The following CCM2L variants were observed in gnomAD, a reference collection of about 807,000 sequenced individuals.
CCM2L encodes the protein CCM2 like scaffold protein.
Under a neutral mutation model 54.1 loss-of-function variants are expected in CCM2L, and 36 were observed. The observed-to-expected ratio is 0.67, with a 90% CI of 0.51 to 0.88. The LOEUF (loss-of-function observed/expected upper bound fraction) is 0.88, where lower values mean the gene tolerates loss of function less well. CCM2L is among the 40% of genes least tolerant of loss of function. The probability of loss-of-function intolerance (pLI) is 0.00; values close to 1 mark genes in which losing one functional copy is unlikely to be tolerated. For missense variants in CCM2L, 700 were observed against 812.1 expected, an observed-to-expected ratio of 0.86 and a Z score of 1.68; for synonymous variants, 351 against 359.3, an observed-to-expected ratio of 0.98 and a Z score of 0.26.
Position 32,031,608 on chromosome 20 carries a change from A to C in CCM2L, c.*294A>C, listed in dbSNP as rs2064930602. 1 of 236,732 alleles carries C rather than the reference A, an allele frequency of 4.2e-6. No individual in the cohort carries two copies. The highest frequency in any genetic ancestry group is 8.4e-6 in the Non-Finnish European group (1 of 118,464). 14.7% of individuals were successfully genotyped at this position (236,732 alleles called of 1,614,324 possible). On this transcript the variant is annotated 3_prime_UTR_variant, in exon 10 of 10. Transcript: ENST00000452892. ...TTTGTCCCAGAAGTCCAGAGGGATC[A>C]GCCCCAGAACACACCCTCCTCCCCG...
Position 32,029,032 on chromosome 20 carries a change from G to T in CCM2L, c.1171G>T (p.Gly391Cys), listed in dbSNP as rs6089151. 3 of 1,614,156 alleles carry T rather than the reference G, an allele frequency of 1.9e-6. No individual in the cohort carries two copies. The South Asian group carries it at 3.3e-5, about 18-fold the overall frequency. ...SQDTFEACYS[G>C]TSTPSFHGSH... is the part of the protein sequence containing the mutation. Reference sequence around the variant, plus strand: ...GGACACCTTTGAAGCATGTTACAGCGGCACGTCCACACCTTCTTTCCATGG... The same window carrying T: ...GGACACCTTTGAAGCATGTTACAGCTGCACGTCCACACCTTCTTTCCATGG... The change falls in exon 8 of 10, where the codon GGC becomes TGC. Residue 391 changes from glycine to cysteine, a missense_variant. Gly to Cys is a radical substitution (Grantham distance 159). Coordinates refer to ENST00000452892, the MANE Select transcript of CCM2L (RefSeq NM_001365692.1).
At chr20:32,020,405 A>G (rs937794648) in intron 5 of CCM2L, among the ~76,000 whole-genome samples, 1 of 152,178 alleles carries the variant, frequency 6.6e-6, no homozygotes, top group African/African-American at 2.4e-5. Flanking sequence ...CAGAAGTTGG[A>G]GTGCCCCAGA....
chr20:32,030,461 A>G (rs967677018), intron 9 of CCM2L, among the ~76,000 whole-genome samples: 1 of 152,168 alleles, frequency 6.6e-6, no homozygotes, highest in Admixed American at 6.5e-5. Context: ...TACCCAGAGA[A>G]CAGGTGCAAT....
chr20:32,022,634 GCT>G (rs760306443), intron 5 of CCM2L, 24 bp from the exon 6 acceptor site: 1 of 1,612,708 alleles, frequency 6.2e-7, no homozygotes, highest in Non-Finnish European at 8.5e-7. Context: ...GAGGACCTGA[GCT>G]CTCTCTCCTC....
At chr20:32,011,815 C>T (rs894196319) in intron 1 of CCM2L, among the ~76,000 whole-genome samples, 6 of 151,534 alleles carry the variant, frequency 4.0e-5, no homozygotes, top group African/African-American at 1.5e-4. Context: ...TAGTGGGGGC[C>T]CAGGGGACAA....
Position 32,031,001 on chromosome 20 carries a change from G to T in CCM2L, c.1403G>T (p.Gly468Val). The T allele has an allele frequency of 4.6e-6, 6 of 1,304,044 alleles. No homozygotes were observed. The highest frequency in any genetic ancestry group is 6.1e-6 in the Non-Finnish European group (6 of 988,902). The allele number at this position is 1,304,044 out of a possible 1,614,324, so 80.8% of individuals were successfully genotyped here. ...YGDRRKFLLL[G>V]MRPFIPDQDI... ...ACTCACCATGCCCCTCGGCTCGCAG[G>T]GATGCGGCCCTTCATCCCGGACCAG... The change falls in exon 10 of 10, where the codon GGG (glycine) becomes GTG (valine). Residue 468 changes from glycine (G) to valine (V), a missense_variant and splice_region_variant. Coordinates refer to ENST00000452892, the MANE Select transcript of CCM2L (RefSeq NM_001365692.1).
chr20:32,029,314 A>G lies in CCM2L; in HGVS notation c.1263+190A>G, dbSNP rs918826315. 14 of 714,418 alleles carry G rather than the reference A, an allele frequency of 2.0e-5. No homozygotes were observed. The African/African-American group carries it at 2.3e-4, about 12-fold the overall frequency. The allele number at this position is 714,418 out of a possible 1,614,324, so 44.3% of individuals were successfully genotyped here. A position where few individuals can be genotyped will look rare whatever the true frequency, so the allele number is the denominator to read the frequency against. ...CCTTAACTAATGTCAGCTGGCATTA[A>G]TTGAGTGCCTGCTGTATACCAGGCA... is the stretch of plus-strand genomic sequence containing the variant. On this transcript the variant is annotated intron_variant, in intron 8 of 9. Transcript: ENST00000452892.
Position 32,018,166 on chromosome 20 carries a change from C to G in CCM2L, c.466+4C>G. 7.8e-7 allele frequency: 1 copy of G among 1,284,448 alleles called. No individual in the cohort carries two copies. The highest frequency in any genetic ancestry group is 1.0e-6 in the Non-Finnish European group (1 of 995,108). 79.6% of individuals were successfully genotyped at this position (1,284,448 alleles called of 1,614,324 possible). A position where few individuals can be genotyped will look rare whatever the true frequency, so the allele number is the denominator to read the frequency against. On this transcript the variant is annotated splice_donor_region_variant and intron_variant, in intron 4 of 9. Transcript: ENST00000452892. ...CACCTGCTAGTGCTCAAGACCGGTGCGGCGGGAGGGGGCGGGGGCGGGGGA... is the reference window on the plus strand; with the variant it reads ...CACCTGCTAGTGCTCAAGACCGGTGGGGCGGGAGGGGGCGGGGGCGGGGGA...
intron 1 of CCM2L, among the ~76,000 whole-genome samples, chr20:32,011,896 C>A (rs1419721532): frequency 1.3e-5 from 2 of 151,582 alleles, no homozygotes; most frequent in East Asian, 3.9e-4. Context: ...AAATACTTAC[C>A]CCTCCCCACC....
intron 2 of CCM2L, among the ~76,000 whole-genome samples, chr20:32,016,223 G>T (rs578097031): frequency 6.6e-6 from 1 of 152,084 alleles, no homozygotes; most frequent in Non-Finnish European, 1.5e-5. Flanking sequence ...TGGGGGTAGG[G>T]TTGTCTGAAC....
At chr20:32,011,328 G>A (rs2064693583) in intron 1 of CCM2L, among the ~76,000 whole-genome samples, 1 of 152,174 alleles carries the variant, frequency 6.6e-6, no homozygotes, top group South Asian at 2.1e-4. Flanking sequence ...AGAAGGGCCG[G>A]GTGCAGTGGC....
Position 32,019,299 on chromosome 20 carries a change from G to A in CCM2L, c.823G>A (p.Gly275Ser). 1 of 1,289,722 alleles carries A rather than the reference G, an allele frequency of 7.8e-7. No homozygotes were observed. Among genetic ancestry groups the A allele is most frequent in the South Asian group, 2.6e-5 (1 of 38,806 alleles). The allele number at this position is 1,289,722 out of a possible 1,614,324, so 79.9% of individuals were successfully genotyped here. ...GSWERRQAGSGGGGSWERRHP... is the reference protein window; with the variant it reads ...GSWERRQAGSSGGGSWERRHP... ...CTGGGAGCGGAGGCAGGCGGGCAGC[G>A]GCGGGGGAGGCAGCTGGGAGCGGCG... is the stretch of plus-strand genomic sequence containing the variant. Residue 275 changes from glycine (G) to serine (S), a missense_variant, in exon 5 of 10, where the codon GGC becomes AGC. Coordinates refer to ENST00000452892, the MANE Select transcript of CCM2L (RefSeq NM_001365692.1).
intron 1 of CCM2L, 47 bp downstream of exon 1, chr20:32,010,531 G>A: frequency 6.7e-7 from 1 of 1,502,852 alleles, no homozygotes; most frequent in African/African-American, 1.4e-5. Flanking sequence ...TGTCCCCAAA[G>A]CTGGGGAAGG....
At chr20:32,013,249 T>C (rs1277058619) in intron 1 of CCM2L, among the ~76,000 whole-genome samples, 1 of 152,186 alleles carries the variant, frequency 6.6e-6, no homozygotes, top group East Asian at 1.9e-4. Flanking sequence ...CAGTGAGCTA[T>C]GATTGTGCCA....
intron 6 of CCM2L, among the ~76,000 whole-genome samples, 173 bp downstream of exon 6, chr20:32,022,968 TTTTC>T (rs888808988): frequency 1.2e-4 from 17 of 138,450 alleles, no homozygotes; most frequent in African/African-American, 5.0e-4. Context: ...TTTCTTTTTC[TTTTC>T]TTTTTTCTTT....
intron 5 of CCM2L, among the ~76,000 whole-genome samples, chr20:32,022,160 T>C (rs6061105): frequency 0.24 from 36,252 of 152,140 alleles, 5,673 homozygotes; most frequent in African/African-American, 0.44. Flanking sequence ...CTATCAGAGA[T>C]TGAATTTTAT....
intron 6 of CCM2L, among the ~76,000 whole-genome samples, chr20:32,024,281 C>T (rs1375651480): frequency 6.6e-6 from 1 of 152,234 alleles, no homozygotes; most frequent in Non-Finnish European, 1.5e-5. Context: ...ACCCTCGCAT[C>T]TGTGGGAGCT....
chr20:32,028,743 A>G (rs898916413), intron 7 of CCM2L: 12 of 505,346 alleles, frequency 2.4e-5, no homozygotes, highest in Non-Finnish European at 3.6e-5. Context: ...CAGAGGGACC[A>G]GCAGGTGCAA....
chr20:32,019,165 G>A lies in CCM2L; in HGVS notation c.689G>A (p.Gly230Glu). ...GGGSLERQRA[G>E]ARASGSWERR... is the part of the protein sequence containing the mutation. ...GGCAGCTTGGAGCGCCAGCGCGCCG[G>A]GGCGCGGGCGTCGGGCAGCTGGGAG... Residue 230 changes from glycine (G) to glutamate (E), a missense_variant, in exon 5 of 10, where the codon GGG becomes GAG. Transcript: ENST00000452892. 3 of 1,121,494 alleles carry A rather than the reference G, an allele frequency of 2.7e-6. No individual in the cohort carries two copies. Among genetic ancestry groups the A allele is most frequent in the Non-Finnish European group, 3.3e-6 (3 of 910,622 alleles). The allele number at this position is 1,121,494 out of a possible 1,614,324, so 69.5% of individuals were successfully genotyped here.
Sources: gnomAD v4.1 joint callset for allele counts (sites outside exome capture counted in the v4.1 genomes callset) on GRCh38, gnomAD v4.1.1 for gene constraint, MANE v1.5 for transcripts, NCBI Gene and HGNC (gene_info 2026-07-23, HGNC 2026-07-21) for gene names.